Variants in NRG1 observed in about 807,000 individuals in gnomAD.
The protein encoded by NRG1 is neuregulin 1, also known as pro-neuregulin-1, membrane-bound isoform.
NRG1 carries 18 observed loss-of-function variants against 63.8 expected under a neutral mutation model. The ratio of observed to expected loss-of-function variants is 0.28; its 90% CI spans 0.19 to 0.42. NRG1 has a LOEUF of 0.42. Among genes scored for constraint, NRG1 ranks in the 10% least tolerant of loss-of-function variants. The pLI, the probability that NRG1 is intolerant of heterozygous loss-of-function variation, is 1.00. For missense variants in NRG1, 762 were observed against 814.7 expected (o/e 0.94, Z 0.79); for synonymous variants, 302 against 301.3 (o/e 1.00, Z -0.02).
intron 1 of NRG1, chr8:32,029,455 A>C (rs2130440566): frequency 6.6e-6 from 1 of 152,354 alleles, no homozygotes. Flanking sequence ...TTTTATGGAC[A>C]GAAAATGGAA....
At chr8:31,701,336 T>A (rs902176901) in intron 1 of NRG1, among the ~76,000 whole-genome samples, 1 of 152,164 alleles carries the variant, frequency 6.6e-6, no homozygotes, top group Non-Finnish European at 1.5e-5. Context: ...CTCACTCTTG[T>A]GAGCATGTTT....
At chr8:32,608,260 CCT>C (rs2129540223) in intron 3 of NRG1, among the ~76,000 whole-genome samples, 1 of 151,636 alleles carries the variant, frequency 6.6e-6, no homozygotes, top group Non-Finnish European at 1.5e-5. Flanking sequence ...CTCACTGCAA[CCT>C]CTGACTCCTG....
chr8:32,174,852 C>A (rs536403233), intron 1 of NRG1, among the ~76,000 whole-genome samples: 2 of 152,052 alleles, frequency 1.3e-5, no homozygotes, highest in African/African-American at 2.4e-5. Context: ...AGCTTACCAA[C>A]CAAAAAAAGT....
intron 1 of NRG1, among the ~76,000 whole-genome samples, chr8:32,512,243 A>G (rs1483738491): frequency 2.0e-5 from 3 of 152,246 alleles, no homozygotes; most frequent in African/African-American, 7.2e-5. Flanking sequence ...ATATACATGT[A>G]GAATAAAAAT....
intron 2 of NRG1, 106 bp from the exon 3 acceptor site, chr8:32,605,456 G>GT: frequency 7.9e-7 from 1 of 1,264,168 alleles, no homozygotes; most frequent in Admixed American, 1.9e-5. Context: ...TATGTATAAG[G>GT]TGGGGAGAGG....
At chr8:32,717,438 C>T (rs1819528743) in intron 5 of NRG1, among the ~76,000 whole-genome samples, 1 of 152,208 alleles carries the variant, frequency 6.6e-6, no homozygotes, top group East Asian at 1.9e-4. Flanking sequence ...CATTTAATAA[C>T]ACAATGTATT....
At chr8:32,680,638 A>T (rs1808358762) in intron 5 of NRG1, among the ~76,000 whole-genome samples, 1 of 152,136 alleles carries the variant, frequency 6.6e-6, no homozygotes, top group Admixed American at 6.5e-5. Context: ...TTAGCCAAAG[A>T]TAACATTCTC....
rs892196635 is a variant in NRG1 at position 32,342,076 on chromosome 8, A to G, written c.38-253752A>G. Among the ~76,000 whole-genome samples, 7 of 151,972 alleles carry G rather than the reference A, an allele frequency of 4.6e-5. No homozygotes were observed. In the South Asian group the frequency reaches 1.2e-3, roughly 27 times the overall value. ...TCATACCCCCTCCTCTTTATTTTTTATGATGTCAAAGACTGTGTCAGTCAA... is the reference window on the plus strand; with the variant it reads ...TCATACCCCCTCCTCTTTATTTTTTGTGATGTCAAAGACTGTGTCAGTCAA... On this transcript the variant is annotated intron_variant, in intron 1 of 10. Coordinates refer to the NRG1 transcript ENST00000519301.
chr8:31,928,647 T>TACACAC lies in NRG1; in HGVS notation c.37+289217_37+289218insCACACA, dbSNP rs146349017. Among the ~76,000 whole-genome samples the TACACAC allele has an allele frequency of 1.0e-2, 1,456 of 146,326 alleles. 10 individuals carry two copies. Among genetic ancestry groups the TACACAC allele is most frequent in the Non-Finnish European group, 0.013 (871 of 66,388 alleles). ...TATACCATGAAATACTATATATATA[T>TACACAC]ATACACACACACACACACACACACC... On this transcript the variant is annotated intron_variant, in intron 1 of 10. Coordinates refer to the NRG1 transcript ENST00000519301.
At chr8:32,728,801 C>T (rs924999876) in intron 6 of NRG1, among the ~76,000 whole-genome samples, 1 of 152,196 alleles carries the variant, frequency 6.6e-6, no homozygotes, top group Admixed American at 6.5e-5. Context: ...CACAGTGGCT[C>T]ACGCCTGTAA....
At chr8:32,754,289 T>C (rs1302850826) in intron 7 of NRG1, 83 bp from the exon 8 acceptor site, 14 of 1,124,236 alleles carry the variant, frequency 1.2e-5, no homozygotes, top group Non-Finnish European at 1.9e-5. Flanking sequence ...GACAATGTCA[T>C]GCAGCATGCC....
chr8:31,874,702 T>C (rs2129611965), intron 1 of NRG1, among the ~76,000 whole-genome samples: 1 of 152,296 alleles, frequency 6.6e-6, no homozygotes, highest in East Asian at 1.9e-4. Flanking sequence ...ATTTGTTCTT[T>C]ATAGCTATTT....
intron 1 of NRG1, among the ~76,000 whole-genome samples, chr8:32,202,452 C>G (rs1843590984): frequency 6.6e-6 from 1 of 152,088 alleles, no homozygotes. Flanking sequence ...AGGGGTGTTA[C>G]AATGCTCTTT....
chr8:31,643,383 G>A (rs1438008364), intron 1 of NRG1, among the ~76,000 whole-genome samples: 1 of 152,234 alleles, frequency 6.6e-6, no homozygotes, highest in Non-Finnish European at 1.5e-5. Context: ...CCTACAAGTT[G>A]TTTGCTAGTG....
chr8:32,547,230 CCTT>C (rs1341946967), upstream of NRG1, among the ~76,000 whole-genome samples: 7 of 152,232 alleles, frequency 4.6e-5, no homozygotes, highest in Non-Finnish European at 8.8e-5. Flanking sequence ...GGGGTCAATG[CCTT>C]CTTATTTCCT....
intron 1 of NRG1, among the ~76,000 whole-genome samples, chr8:32,592,247 A>G (rs1842661693): frequency 6.6e-6 from 1 of 152,076 alleles, no homozygotes; most frequent in South Asian, 2.1e-4. Flanking sequence ...GAACAAGGAG[A>G]TTCCTTTGCG....
At chr8:31,752,204 T>C (rs974891829) in intron 1 of NRG1, among the ~76,000 whole-genome samples, 2 of 151,996 alleles carry the variant, frequency 1.3e-5, no homozygotes, top group South Asian at 2.1e-4. Context: ...GGCAAGGTAA[T>C]TGATGTTTCA....
intron 1 of NRG1, among the ~76,000 whole-genome samples, chr8:31,663,875 A>G (rs956187615): frequency 2.6e-5 from 4 of 152,184 alleles, no homozygotes; most frequent in Non-Finnish European, 4.4e-5. Flanking sequence ...TTATAATGGG[A>G]AAAAATGAGA....
At chr8:32,672,844 A>G (rs1387614460) in intron 5 of NRG1, among the ~76,000 whole-genome samples, 3 of 152,166 alleles carry the variant, frequency 2.0e-5, no homozygotes, top group Non-Finnish European at 4.4e-5. Context: ...TGTTGAGAAA[A>G]AAACCTGACA....
Sources: gnomAD v4.1 joint callset for allele counts (sites outside exome capture counted in the v4.1 genomes callset) on GRCh38, gnomAD v4.1.1 for gene constraint, MANE v1.5 for transcripts, NCBI Gene and HGNC (gene_info 2026-07-23, HGNC 2026-07-21) for gene names.